The following XKR4 variants were observed in gnomAD, a reference collection of about 807,000 sequenced individuals.
The protein encoded by XKR4 is XK related 4, also known as XK-related protein 4.
XKR4 carries 12 observed loss-of-function variants against 53.9 expected under a neutral mutation model. The observed-to-expected ratio is 0.22, with a 90% CI of 0.14 to 0.36. The LOEUF (loss-of-function observed/expected upper bound fraction) is 0.36, where lower values mean the gene tolerates loss of function less well. XKR4 is among the 10% of genes least tolerant of loss of function. XKR4 has a pLI of 1.00. For synonymous variants in XKR4, 354 were observed against 362.4 expected (o/e 0.98, Z 0.26); for missense variants, 799 against 859.5 (o/e 0.93, Z 0.88).
intron 1 of XKR4, among the ~76,000 whole-genome samples, chr8:55,259,969 T>C (rs1818496240): frequency 7.0e-6 from 1 of 142,738 alleles, no homozygotes. Context: ...GGCTCTTCTC[T>C]TCTTTCTGTG....
chr8:55,425,300 A>G (rs1294292176), intron 2 of XKR4, among the ~76,000 whole-genome samples: 5 of 152,196 alleles, frequency 3.3e-5, no homozygotes, highest in Non-Finnish European at 5.9e-5. Context: ...ATCAATGCCA[A>G]TTCTGGGATT....
chr8:55,480,204 C>T (rs1018321970), intron 2 of XKR4, among the ~76,000 whole-genome samples: 7 of 152,164 alleles, frequency 4.6e-5, no homozygotes, highest in African/African-American at 1.7e-4. Context: ...TTATCCACCA[C>T]AATCAAGTGG....
At chr8:55,104,964 A>G (rs2129350345) in intron 1 of XKR4, among the ~76,000 whole-genome samples, 1 of 152,338 alleles carries the variant, frequency 6.6e-6, no homozygotes, top group Non-Finnish European at 1.5e-5. Context: ...ATTAAGCTTA[A>G]CATTCCATTT....
chr8:55,212,086 C>T (rs996182475), intron 1 of XKR4, among the ~76,000 whole-genome samples: 3 of 149,716 alleles, frequency 2.0e-5, no homozygotes, highest in Non-Finnish European at 4.4e-5. Flanking sequence ...ATCTAAAGAC[C>T]TGGAATCAAT....
intron 1 of XKR4, among the ~76,000 whole-genome samples, chr8:55,132,338 G>A (rs537799814): frequency 2.2e-4 from 34 of 152,206 alleles, no homozygotes; most frequent in African/African-American, 6.0e-4. Flanking sequence ...TTATCCACAA[G>A]GAATACACTT....
chr8:55,289,681 A>AAG lies in XKR4; in HGVS notation c.807-67995_807-67994dup, dbSNP rs1160046275. On this transcript the variant is annotated intron_variant, in intron 1 of 2. Coordinates refer to ENST00000327381, the MANE Select transcript of XKR4 (RefSeq NM_052898.2). ...AGGAAAAGAAAAGAAAAGAAAGAGA[A>AAG]AGAAAGAAAGAAAGAGAAAGAAAGA... Among the ~76,000 whole-genome samples the AAG allele has an allele frequency of 1.5e-4, 20 of 137,624 alleles. 1 individual carries two copies. Among genetic ancestry groups the AAG allele is most frequent in the African/African-American group, 5.0e-4 (18 of 35,950 alleles). 90.3% of individuals were successfully genotyped at this position (137,624 alleles called of 152,430 possible). A position where few individuals can be genotyped will look rare whatever the true frequency, so the allele number is the denominator to read the frequency against.
intron 2 of XKR4, among the ~76,000 whole-genome samples, chr8:55,445,322 G>C (rs544096630): frequency 6.6e-6 from 1 of 152,200 alleles, no homozygotes; most frequent in Admixed American, 6.5e-5. Context: ...CTCCCAAAGT[G>C]CTGGGATTAC....
At chr8:55,280,795 A>C (rs1022277576) in intron 1 of XKR4, among the ~76,000 whole-genome samples, 2 of 152,220 alleles carry the variant, frequency 1.3e-5, no homozygotes, top group African/African-American at 4.8e-5. Flanking sequence ...AATCAATAAG[A>C]GTTTAGAAAA....
At chr8:55,308,469 G>A (rs1819340662) in intron 1 of XKR4, among the ~76,000 whole-genome samples, 1 of 151,978 alleles carries the variant, frequency 6.6e-6, no homozygotes, top group African/African-American at 2.4e-5. Flanking sequence ...AAAACCATCA[G>A]ATGTCATGAG....
intron 1 of XKR4, among the ~76,000 whole-genome samples, chr8:55,222,273 A>G (rs1427615441): frequency 6.6e-6 from 1 of 152,172 alleles, no homozygotes; most frequent in African/African-American, 2.4e-5. Flanking sequence ...GTTCTCTAAT[A>G]TTTCTGCATT....
intron 1 of XKR4, among the ~76,000 whole-genome samples, chr8:55,278,014 C>G (rs1818787958): frequency 6.6e-6 from 1 of 152,144 alleles, no homozygotes; most frequent in African/African-American, 2.4e-5. Flanking sequence ...GGCTATGGAT[C>G]AGCAGCACCT....
intron 2 of XKR4, among the ~76,000 whole-genome samples, chr8:55,478,908 T>C (rs1806052312): frequency 6.6e-6 from 1 of 151,970 alleles, no homozygotes; most frequent in African/African-American, 2.4e-5. Flanking sequence ...AGCAAGTCCT[T>C]AGTGACATAC....
At chr8:55,474,043 T>TA (rs1805936834) in intron 2 of XKR4, among the ~76,000 whole-genome samples, 1 of 152,102 alleles carries the variant, frequency 6.6e-6, no homozygotes, top group Non-Finnish European at 1.5e-5. Flanking sequence ...TAGCTAGGAC[T>TA]ATAGGAGCAC....
At chr8:55,449,576 CA>C in intron 2 of XKR4, 1 of 1,398,150 alleles carries the variant, frequency 7.2e-7, no homozygotes, top group Non-Finnish European at 1.0e-6. Context: ...GTCCTGGGCA[CA>C]AAAGTCGTAA....
intron 2 of XKR4, among the ~76,000 whole-genome samples, chr8:55,460,614 G>A (rs1056737113): frequency 3.3e-5 from 5 of 152,176 alleles, no homozygotes; most frequent in South Asian, 2.1e-4. Context: ...ATCTCACTAG[G>A]GAGTGCCAGA....
chr8:55,533,547 C>A lies in XKR4; in HGVS notation c.*9320C>A, dbSNP rs1290729167. 1 of 152,142 alleles carries A rather than the reference C, an allele frequency of 6.6e-6. No homozygotes were observed. Among genetic ancestry groups the A allele is most frequent in the African/African-American group, 2.4e-5 (1 of 41,430 alleles). The allele number at this position is 152,142 out of a possible 1,614,324, so 9.4% of individuals were successfully genotyped here. A position where few individuals can be genotyped will look rare whatever the true frequency, so the allele number is the denominator to read the frequency against. On this transcript the variant is annotated 3_prime_UTR_variant, in exon 3 of 3. Transcript: ENST00000327381. ...TGTGGAAAGATGTAAATCCCTCCTG[C>A]TGTAAGAGGAGGGAAGGCAGCAGTG...
chr8:55,230,626 C>T (rs952745525), intron 1 of XKR4, among the ~76,000 whole-genome samples: 48 of 152,114 alleles, frequency 3.2e-4, no homozygotes, highest in African/African-American at 1.1e-3. Context: ...CCTCGGCCTC[C>T]CAAAGTGCTG....
chr8:55,350,738 C>CTT lies in XKR4; in HGVS notation c.807-6922_807-6921dup, dbSNP rs1028164969. On this transcript the variant is annotated intron_variant, in intron 1 of 2. Transcript: ENST00000327381. ...TTATGTTTTCTTTTCTTTTTCTTTT[C>CTT]TTTTTTTTTTTTTTTTTTTGAGACA... Among the ~76,000 whole-genome samples the CTT allele has an allele frequency of 5.5e-3, 676 of 122,412 alleles. 9 individuals are homozygous for CTT. The highest frequency in any genetic ancestry group is 9.6e-3 in the African/African-American group (313 of 32,680). The allele number at this position is 122,412 out of a possible 152,430, so 80.3% of individuals were successfully genotyped here.
intron 1 of XKR4, among the ~76,000 whole-genome samples, chr8:55,355,146 C>T (rs773126938): frequency 7.3e-5 from 11 of 151,634 alleles, no homozygotes; most frequent in Non-Finnish European, 1.0e-4. Flanking sequence ...TCAGGTGGTC[C>T]GCCCACCTCA....
Sources: allele counts gnomAD v4.1 joint callset (sites outside exome capture counted in the v4.1 genomes callset), GRCh38; gene constraint gnomAD v4.1.1; transcripts MANE v1.5; gene names NCBI Gene and HGNC (gene_info 2026-07-23, HGNC 2026-07-21).